Variants in PLCL2 observed in about 807,000 individuals in gnomAD.
PLCL2 encodes inactive phospholipase C-like protein 2.
In PLCL2, 4 loss-of-function variants were observed where a neutral mutation model predicts 79.6. That is an observed-to-expected ratio of 0.05 (90% CI 0.02 to 0.11). The LOEUF (loss-of-function observed/expected upper bound fraction) is 0.11, where lower values mean the gene tolerates loss of function less well. Among genes scored for constraint, PLCL2 ranks in the 10% least tolerant of loss-of-function variants. PLCL2 has a pLI of 1.00. For missense variants in PLCL2, 895 were observed against 1,291.0 expected, an observed-to-expected ratio of 0.69 and a Z score of 4.70; for synonymous variants, 484 against 457.7, an observed-to-expected ratio of 1.06 and a Z score of -0.73.
chr3:17,085,147 A>T (rs919066042), intron 5 of PLCL2, among the ~76,000 whole-genome samples: 3 of 152,012 alleles, frequency 2.0e-5, no homozygotes, highest in Non-Finnish European at 4.4e-5. Flanking sequence ...AGAAAAAAAA[A>T]ATTTTGAGAC....
intron 4 of PLCL2, among the ~76,000 whole-genome samples, chr3:17,065,045 G>A (rs574093836): frequency 1.3e-5 from 2 of 151,880 alleles, no homozygotes; most frequent in Non-Finnish European, 2.9e-5. Flanking sequence ...TGGATTCTGA[G>A]TTTTTTATTT....
intron 1 of PLCL2, among the ~76,000 whole-genome samples, chr3:16,919,131 A>T (rs1400095880): frequency 1.3e-5 from 2 of 152,198 alleles, no homozygotes; most frequent in African/African-American, 4.8e-5. Flanking sequence ...TTTGGAGCCA[A>T]AATTTAAATT....
intron 1 of PLCL2, among the ~76,000 whole-genome samples, chr3:16,959,514 C>G (rs979420684): frequency 1.3e-5 from 2 of 152,020 alleles, no homozygotes; most frequent in African/African-American, 4.8e-5. Context: ...CATAGTCTTC[C>G]TAGCCTTCCT....
chr3:16,999,629 CAGTGCT>C (rs1471589603), intron 1 of PLCL2, among the ~76,000 whole-genome samples: 1 of 152,146 alleles, frequency 6.6e-6, no homozygotes, highest in Non-Finnish European at 1.5e-5. Flanking sequence ...AGAGGACATG[CAGTGCT>C]AGCTCACATC....
At chr3:17,050,776 C>T (rs1057327152) in intron 4 of PLCL2, among the ~76,000 whole-genome samples, 8 of 152,256 alleles carry the variant, frequency 5.3e-5, no homozygotes, top group Admixed American at 2.6e-4. Context: ...ACCATATGAT[C>T]GAGCAATCCC....
intron 4 of PLCL2, among the ~76,000 whole-genome samples, chr3:17,044,662 A>T (rs1203825496): frequency 6.6e-6 from 1 of 152,220 alleles, no homozygotes; most frequent in Non-Finnish European, 1.5e-5. Context: ...TTAACTAAAT[A>T]TGATTTTATT....
At chr3:17,081,448 T>G (rs140642927) in intron 5 of PLCL2, 2 of 304,952 alleles carry the variant, frequency 6.6e-6, no homozygotes, top group South Asian at 2.8e-5. Flanking sequence ...TTTTCTCTAA[T>G]AGATAGTTGG....
intron 1 of PLCL2, among the ~76,000 whole-genome samples, chr3:16,986,622 C>CT (rs768395889): frequency 4.5e-4 from 69 of 152,168 alleles, no homozygotes; most frequent in Non-Finnish European, 7.9e-4. Context: ...AGGCTGGTCT[C>CT]TAACTCCTGA....
chr3:16,937,766 CT>C (rs1697576153), intron 1 of PLCL2, among the ~76,000 whole-genome samples: 6 of 152,288 alleles, frequency 3.9e-5, no homozygotes, highest in African/African-American at 1.4e-4. Flanking sequence ...GAATTTCCCC[CT>C]CCCTGTTGCC....
rs558841931 is a variant in PLCL2 at position 16,960,422 on chromosome 3, A to G, written c.328-49252A>G. Among the ~76,000 whole-genome samples the G allele has an allele frequency of 3.3e-5, 5 of 152,280 alleles. No individual in the cohort carries two copies. The East Asian group carries it at 9.6e-4, about 29-fold the overall frequency. On this transcript the variant is annotated intron_variant, in intron 1 of 5. Transcript: ENST00000615277. ...ATTTCTAAACACTATAGGAAGCACT[A>G]ATCATCTAGCTGTTCCTTATTTGCT... is the stretch of plus-strand genomic sequence containing the variant.
At chr3:16,911,127 C>A (rs1207084532) in intron 1 of PLCL2, among the ~76,000 whole-genome samples, 1 of 151,936 alleles carries the variant, frequency 6.6e-6, no homozygotes, top group Non-Finnish European at 1.5e-5. Context: ...GTGGCATGTG[C>A]CTATAATCCC....
chr3:17,031,929 C>CTTTTTTT (rs35640259), intron 3 of PLCL2, among the ~76,000 whole-genome samples: 35 of 109,048 alleles, frequency 3.2e-4, no homozygotes, highest in African/African-American at 7.7e-4. Flanking sequence ...CAATTTTCAC[C>CTTTTTTT]TTTTTTTTTT....
intron 1 of PLCL2, among the ~76,000 whole-genome samples, chr3:16,964,004 C>A (rs1446519618): frequency 6.6e-6 from 1 of 151,896 alleles, no homozygotes; most frequent in Non-Finnish European, 1.5e-5. Flanking sequence ...TAAAGTTACC[C>A]AGGATTAGCA....
intron 1 of PLCL2, among the ~76,000 whole-genome samples, chr3:16,941,081 C>T (rs1458605544): frequency 6.6e-6 from 1 of 152,168 alleles, no homozygotes. Flanking sequence ...TGGCCTTTTC[C>T]TACTACTAAG....
chr3:17,065,295 C>T (rs1212559793), intron 4 of PLCL2, among the ~76,000 whole-genome samples: 1 of 152,100 alleles, frequency 6.6e-6, no homozygotes, highest in East Asian at 1.9e-4. Context: ...TTCCCCATTT[C>T]TTCCTTATCT....
At chr3:17,086,089 G>A (rs1313470196) in intron 5 of PLCL2, among the ~76,000 whole-genome samples, 2 of 152,066 alleles carry the variant, frequency 1.3e-5, no homozygotes, top group Non-Finnish European at 2.9e-5. Context: ...TTGACAAACC[G>A]ATTCCAAAGT....
At chr3:16,951,569 C>T (rs2063652447) in intron 1 of PLCL2, among the ~76,000 whole-genome samples, 2 of 151,666 alleles carry the variant, frequency 1.3e-5, no homozygotes, top group South Asian at 4.1e-4. Context: ...TTTTCTTTCT[C>T]TTGTTTTTAA....
At chr3:16,897,492 G>A (rs1327088942) in intron 1 of PLCL2, among the ~76,000 whole-genome samples, 1 of 152,176 alleles carries the variant, frequency 6.6e-6, no homozygotes, top group East Asian at 1.9e-4. Context: ...AGGAAAAATT[G>A]TCTTTAGAAA....
intron 1 of PLCL2, among the ~76,000 whole-genome samples, chr3:16,939,710 C>T (rs894404237): frequency 3.9e-5 from 6 of 152,172 alleles, no homozygotes; most frequent in Non-Finnish European, 7.4e-5. Context: ...TCTGAATATA[C>T]AAAAATCCAG....
Sources: allele counts gnomAD v4.1 joint callset (sites outside exome capture counted in the v4.1 genomes callset), GRCh38; gene constraint gnomAD v4.1.1; transcripts MANE v1.5; gene names NCBI Gene and HGNC (gene_info 2026-07-23, HGNC 2026-07-21).